Variants in REEP5 observed in about 807,000 individuals in gnomAD.
REEP5 encodes receptor accessory protein 5.
Under a neutral mutation model 22.4 loss-of-function variants are expected in REEP5, and 24 were observed. The observed-to-expected ratio is 1.07, with a 90% CI of 0.78 to 1.51. The LOEUF (loss-of-function observed/expected upper bound fraction) is 1.51. Ranked by LOEUF, REEP5 falls within the 40% of genes most tolerant of loss-of-function variation. The probability of loss-of-function intolerance (pLI) is 0.00; values close to 1 mark genes in which losing one functional copy is unlikely to be tolerated. For missense variants in REEP5, 252 were observed against 233.0 expected (o/e 1.08, Z -0.53); for synonymous variants, 103 against 88.6 (o/e 1.16, Z -0.92).
At chr5:112,901,713 GA>G (rs1348481525) in intron 3 of REEP5, among the ~76,000 whole-genome samples, 2,644 of 130,508 alleles carry the variant, frequency 0.02, 70 homozygotes, top group East Asian at 0.09. Context: ...GTCCATCTCA[GA>G]AAAAAAAAAA....
chr5:112,914,601 A>G (rs1464672752), intron 2 of REEP5, among the ~76,000 whole-genome samples: 1 of 152,172 alleles, frequency 6.6e-6, no homozygotes, highest in Non-Finnish European at 1.5e-5. Flanking sequence ...TGTCAATAAA[A>G]CCAGTGGTTC....
At chr5:112,906,375 G>T (rs1434388377) in intron 2 of REEP5, among the ~76,000 whole-genome samples, 2 of 152,216 alleles carry the variant, frequency 1.3e-5, no homozygotes, top group Non-Finnish European at 2.9e-5. Flanking sequence ...AAACAGTTCA[G>T]TGGCAAGCTG....
chr5:112,909,444 T>C (rs1406967859), intron 2 of REEP5, among the ~76,000 whole-genome samples: 9 of 151,790 alleles, frequency 5.9e-5, no homozygotes, highest in Non-Finnish European at 1.5e-5. Flanking sequence ...GTCAGAGGGT[T>C]TATATGGCTA....
Position 112,919,528 on chromosome 5 carries a change from T to G in REEP5, c.212+1635A>C, listed in dbSNP as rs537032080. Among the ~76,000 whole-genome samples the G allele has an allele frequency of 2.6e-5, 4 of 152,220 alleles. No individual in the cohort carries two copies. The East Asian group carries it at 7.7e-4, about 29-fold the overall frequency. Reference sequence around the variant, plus strand: ...TTGCAGTGAACTGAGATTACGACACTGCACTCCAGCCTGGGCAATATAGAG... The same window carrying G: ...TTGCAGTGAACTGAGATTACGACACGGCACTCCAGCCTGGGCAATATAGAG... On this transcript the variant is annotated intron_variant, in intron 2 of 4. Coordinates refer to ENST00000379638, the MANE Select transcript of REEP5 (RefSeq NM_005669.5).
chr5:112,885,056 A>G (rs1316741335), intron 4 of REEP5: 1 of 153,922 alleles, frequency 6.5e-6, no homozygotes, highest in Non-Finnish European at 1.4e-5. Context: ...AGCATACTGA[A>G]CCGATCAATC....
In REEP5 at chr5:112,887,264, C is replaced by G. The variant is rs543516148; in HGVS notation, c.352-81G>C. ...AGAATACACACTGTCTTTCACTACT[C>G]TGGGGATGGGAGATGCCTCTGTTAT... On this transcript the variant is annotated intron_variant, in intron 3 of 4. Coordinates refer to ENST00000379638, the MANE Select transcript of REEP5 (RefSeq NM_005669.5). 8.1e-5 allele frequency: 105 copies of G among 1,289,574 alleles called. No homozygotes were observed. In the African/African-American group the frequency reaches 1.5e-3, roughly 18 times the overall value. The allele number at this position is 1,289,574 out of a possible 1,614,324, so 79.9% of individuals were successfully genotyped here.
intron 2 of REEP5, among the ~76,000 whole-genome samples, chr5:112,911,906 C>CA (rs1252315896): frequency 6.6e-6 from 1 of 151,676 alleles, no homozygotes; most frequent in Non-Finnish European, 1.5e-5. Context: ...AGACAAGGAA[C>CA]AAAAAATGAA....
chr5:112,899,105 G>A (rs1768781559), intron 3 of REEP5, among the ~76,000 whole-genome samples: 1 of 152,018 alleles, frequency 6.6e-6, no homozygotes, highest in Non-Finnish European at 1.5e-5. Flanking sequence ...TCGAGACAGG[G>A]TCTCACTCTG....
chr5:112,877,524 T>TATC lies in REEP5; in HGVS notation c.*1259_*1261dup, dbSNP rs1767934594. The TATC allele has an allele frequency of 3.3e-5, 5 of 152,298 alleles. No individual in the cohort carries two copies. Among genetic ancestry groups the TATC allele is most frequent in the Admixed American group, 2.6e-4 (4 of 15,290 alleles). The allele number at this position is 152,298 out of a possible 1,614,324, so 9.4% of individuals were successfully genotyped here. On this transcript the variant is annotated 3_prime_UTR_variant, in exon 5 of 5. Coordinates refer to ENST00000379638, the MANE Select transcript of REEP5 (RefSeq NM_005669.5). Reference sequence around the variant, plus strand: ...ACTTACTATGTAGTCATGTGCAGCTTATCAACACAAAGAATACGGATGAGG... The same window carrying TATC: ...ACTTACTATGTAGTCATGTGCAGCTTATCATCAACACAAAGAATACGGATGAGG...
chr5:112,908,439 G>A (rs922171776), intron 2 of REEP5, among the ~76,000 whole-genome samples: 3 of 152,020 alleles, frequency 2.0e-5, no homozygotes, highest in Non-Finnish European at 4.4e-5. Context: ...TCTCCTATGA[G>A]ACTAGTTTTC....
intron 2 of REEP5, among the ~76,000 whole-genome samples, chr5:112,905,343 C>T (rs1035218840): frequency 3.3e-5 from 5 of 152,058 alleles, no homozygotes; most frequent in African/African-American, 1.2e-4. Context: ...AAGTTCAAGA[C>T]CAGCCTGGCC....
intron 2 of REEP5, among the ~76,000 whole-genome samples, chr5:112,916,955 G>A (rs1347731738): frequency 6.6e-6 from 1 of 152,122 alleles, no homozygotes; most frequent in Non-Finnish European, 1.5e-5. Context: ...TAAATAAAAT[G>A]CTACACAGAT....
chr5:112,888,898 AAG>A (rs1768345259), intron 3 of REEP5, among the ~76,000 whole-genome samples: 1 of 150,760 alleles, frequency 6.6e-6, no homozygotes. Flanking sequence ...GTGTTGTGGA[AAG>A]GACAGGGTGA....
intron 4 of REEP5, among the ~76,000 whole-genome samples, 153 bp downstream of exon 4, chr5:112,886,862 C>G (rs185803852): frequency 7.9e-5 from 12 of 152,234 alleles, no homozygotes; most frequent in Admixed American, 6.5e-4. Context: ...TAAGTGTTCT[C>G]AATAGGCAAA....
intron 3 of REEP5, chr5:112,892,002 G>C: frequency 7.8e-7 from 1 of 1,287,264 alleles, no homozygotes; most frequent in Non-Finnish European, 1.1e-6. Flanking sequence ...AACAGCAGAG[G>C]AAAGAGAGAG....
At position 112,878,627 on chromosome 5, in the gene REEP5, A is replaced by G; in HGVS notation, c.*159T>C. 9.2e-7 allele frequency: 1 copy of G among 1,084,862 alleles called. No homozygotes were observed. Among genetic ancestry groups the G allele is most frequent in the South Asian group, 1.7e-5 (1 of 59,142 alleles). The allele number at this position is 1,084,862 out of a possible 1,614,324, so 67.2% of individuals were successfully genotyped here. ...AGTGCTCCCTATATATATAGACAGTAAAAGTAAGCAAAGAAACTTACAACA... is the reference window on the plus strand; with the variant it reads ...AGTGCTCCCTATATATATAGACAGTGAAAGTAAGCAAAGAAACTTACAACA... On this transcript the variant is annotated 3_prime_UTR_variant, in exon 5 of 5. Transcript: ENST00000379638.
At chr5:112,913,536 TAAAAAAAAAAA>T (rs148324454) in intron 2 of REEP5, among the ~76,000 whole-genome samples, 3 of 65,438 alleles carry the variant, frequency 4.6e-5, no homozygotes, top group African/African-American at 1.7e-4. Context: ...TGACCCTGGC[TAAAAAAAAAAA>T]AAAAAAAAAA....
intron 2 of REEP5, among the ~76,000 whole-genome samples, chr5:112,916,590 C>A (rs1026802513): frequency 1.3e-5 from 2 of 152,218 alleles, no homozygotes; most frequent in Non-Finnish European, 2.9e-5. Context: ...GAAAAATACA[C>A]TGCACAAAGG....
chr5:112,885,719 C>T, intron 4 of REEP5: 1 of 302,566 alleles, frequency 3.3e-6, no homozygotes, highest in Non-Finnish European at 6.8e-6. Flanking sequence ...GGGACATTAT[C>T]AGCCAAGCTT....
Sources: gnomAD v4.1 joint callset for allele counts (sites outside exome capture counted in the v4.1 genomes callset) on GRCh38, gnomAD v4.1.1 for gene constraint, MANE v1.5 for transcripts, NCBI Gene and HGNC (gene_info 2026-07-23, HGNC 2026-07-21) for gene names.